TTLL8: variants seen among roughly 807,000 people sequenced by gnomAD.
TTLL8 encodes the protein tubulin tyrosine ligase like 8, also known as protein monoglycylase TTLL8.
TTLL8 carries 65 observed loss-of-function variants against 77.8 expected under a neutral mutation model. That is an observed-to-expected ratio of 0.84 (90% confidence interval 0.68 to 1.03). TTLL8 has a LOEUF of 1.03. Ranked by LOEUF, TTLL8 falls within the 50% of genes least tolerant of loss-of-function variation. TTLL8 has a pLI of 0.00. For missense variants in TTLL8, 910 were observed against 1,004.5 expected, an observed-to-expected ratio of 0.91 and a Z score of 1.27; for synonymous variants, 402 against 422.8, an observed-to-expected ratio of 0.95 and a Z score of 0.60.
At position 50,036,439 on chromosome 22, in the gene TTLL8, C is replaced by T. The variant is rs141002664; in HGVS notation, c.922-1977G>A. Among the ~76,000 whole-genome samples the T allele has an allele frequency of 1.8e-4, 28 of 152,224 alleles. No homozygotes were observed. In the East Asian group the frequency reaches 5.2e-3, roughly 28 times the overall value. Reference sequence around the variant, plus strand: ...GTACGTCCTTGTACACTCGTGTACACACCACCCAGATCGAGACAGGAACGC... The same window carrying T: ...GTACGTCCTTGTACACTCGTGTACATACCACCCAGATCGAGACAGGAACGC... On this transcript the variant is annotated intron_variant, in intron 8 of 13. Transcript: ENST00000266182.
At chr22:50,032,192 C>T in intron 10 of TTLL8, 83 bp from the exon 12 acceptor site, 1 of 1,265,216 alleles carries the variant, frequency 7.9e-7, no homozygotes, top group Admixed American at 2.4e-5. Context: ...CCGTGCTGAG[C>T]CCACCCAGCT....
At chr22:50,046,386 C>T (rs2061411854) in intron 4 of TTLL8, among the ~76,000 whole-genome samples, 1 of 152,218 alleles carries the variant, frequency 6.6e-6, no homozygotes, top group Non-Finnish European at 1.5e-5. Flanking sequence ...CAGCACTGCC[C>T]ACCACACGCG....
At chr22:50,048,608 T>C (rs1283052653) in intron 3 of TTLL8, among the ~76,000 whole-genome samples, 1 of 152,164 alleles carries the variant, frequency 6.6e-6, no homozygotes, top group Non-Finnish European at 1.5e-5. Flanking sequence ...TCTGTAGGAA[T>C]GGCACTGACT....
At chr22:50,020,497 T>G (rs951945400) in intron 12 of TTLL8, among the ~76,000 whole-genome samples, 7 of 148,638 alleles carry the variant, frequency 4.7e-5, no homozygotes, top group African/African-American at 1.8e-4. Flanking sequence ...TGACATGCAC[T>G]CCTCCATCTG....
At chr22:50,045,058 G>C in intron 6 of TTLL8, 197 bp downstream of exon 8, 4 of 344,402 alleles carry the variant, frequency 1.2e-5, no homozygotes, top group Non-Finnish European at 1.6e-5. Flanking sequence ...TTTACAAACG[G>C]GGTGACTTTG....
upstream of TTLL8, among the ~76,000 whole-genome samples, chr22:50,057,842 G>C (rs541286754): frequency 6.6e-6 from 1 of 151,818 alleles, no homozygotes; most frequent in Non-Finnish European, 1.5e-5. Flanking sequence ...AGGCAGAGGG[G>C]AGTGGACAGC....
chr22:50,031,024 C>T (rs2061287380), intron 11 of TTLL8, 99 bp from the exon 13 acceptor site: 1 of 1,096,120 alleles, frequency 9.1e-7, no homozygotes, highest in Non-Finnish European at 1.2e-6. Flanking sequence ...GGGGCACAGA[C>T]CCCCACCTGA....
At chr22:50,033,914 T>A (rs963612750) in intron 9 of TTLL8, among the ~76,000 whole-genome samples, 4 of 152,112 alleles carry the variant, frequency 2.6e-5, no homozygotes, top group African/African-American at 9.7e-5. Flanking sequence ...GCGCCTGTAG[T>A]CCCAGCTACT....
chr22:50,031,183 C>T (rs1231271657), intron 11 of TTLL8, among the ~76,000 whole-genome samples: 1 of 152,162 alleles, frequency 6.6e-6, no homozygotes, highest in East Asian at 1.9e-4. Context: ...GCTCTTTTCC[C>T]GAGTTTAGCC....
At chr22:50,054,929 G>A (rs550108698), upstream of TTLL8, among the ~76,000 whole-genome samples, 7 of 152,200 alleles carry the variant, frequency 4.6e-5, no homozygotes, top group African/African-American at 7.2e-5. Context: ...GCATGGTGGC[G>A]TGCACCTGTA....
chr22:50,031,812 G>C, exon 11 of TTLL8: 1 of 1,367,078 alleles, frequency 7.3e-7, no homozygotes, highest in South Asian at 1.1e-5. Context: ...TGGTGGGGCT[G>C]GAATTGATCT....
intron 1 of TTLL8, among the ~76,000 whole-genome samples, 175 bp from the exon 4 acceptor site, chr22:50,050,422 G>C (rs1233980631): frequency 6.7e-6 from 1 of 150,236 alleles, no homozygotes; most frequent in African/African-American, 2.5e-5. Flanking sequence ...ATCCAGGCCG[G>C]AGTGCAGTGG....
chr22:50,039,724 C>T (rs1477506664), intron 8 of TTLL8, among the ~76,000 whole-genome samples: 1 of 151,358 alleles, frequency 6.6e-6, no homozygotes, highest in Non-Finnish European at 1.5e-5. Flanking sequence ...GTGGACAGAC[C>T]TCACTGACCC....
intron 6 of TTLL8, among the ~76,000 whole-genome samples, chr22:50,043,747 A>T (rs1714461011): frequency 6.6e-6 from 1 of 152,222 alleles, no homozygotes; most frequent in African/African-American, 2.4e-5. Context: ...CATATTACTA[A>T]GTCGAAGAAG....
At chr22:50,030,329 C>T (rs532326276) in intron 12 of TTLL8, 101 bp downstream of exon 13, 2 of 1,142,960 alleles carry the variant, frequency 1.7e-6, no homozygotes, top group African/African-American at 3.4e-5. Context: ...CCGAAGCCTG[C>T]CCTGCGCCCC....
exon 11 of TTLL8, chr22:50,032,049 G>C: frequency 7.3e-7 from 1 of 1,366,100 alleles, no homozygotes; most frequent in Non-Finnish European, 9.8e-7. Flanking sequence ...GCAGCAGGGG[G>C]CTGCGGCCCA....
At chr22:50,049,535 C>T (rs1007978619) in intron 2 of TTLL8, among the ~76,000 whole-genome samples, 8 of 152,146 alleles carry the variant, frequency 5.3e-5, no homozygotes, top group Non-Finnish European at 7.4e-5. Flanking sequence ...GAGCGTCCAC[C>T]GCACAGCACC....
At chr22:50,050,018 GGCAGGCACCACACTCAGGCCGGC>G in intron 2 of TTLL8, 68 bp downstream of exon 4, 1 of 1,284,236 alleles carries the variant, frequency 7.8e-7, no homozygotes, top group Non-Finnish European at 1.0e-6. Flanking sequence ...AGGGCCGAGG[GGCAGGCACCACACTCAGGCCGGC>G]GCCGACTCCT....
rs1280287931 is a variant in TTLL8, at chr22:50,044,175, C to T, written c.643+1080G>A. On this transcript the variant is annotated intron_variant, in intron 6 of 13. Transcript: ENST00000266182. The surrounding 1 kb of genome is among the most constrained non-coding windows in gnomAD (Gnocchi z 4.2). ...CCCCATCTCTACTAAAAATACAAAA[C>T]ATTAGCCGGGCGTGGTGGTGGGCAC... Among the ~76,000 whole-genome samples the T allele has an allele frequency of 6.6e-6, 1 of 151,922 alleles. No homozygotes were observed. Among genetic ancestry groups the T allele is most frequent in the Non-Finnish European group, 1.5e-5 (1 of 67,966 alleles).
Sources: gnomAD v4.1 joint callset for allele counts (sites outside exome capture counted in the v4.1 genomes callset) on GRCh38, gnomAD v4.1.1 for gene constraint, Gnocchi (gnomAD v3.1) non-coding constraint, MANE v1.5 for transcripts, NCBI Gene and HGNC (gene_info 2026-07-23, HGNC 2026-07-21) for gene names.